KLC1: variants seen among roughly 807,000 people sequenced by gnomAD.
KLC1 encodes the protein kinesin light chain 1, also known as kinesin 2 60/70kDa.
KLC1 carries 30 observed loss-of-function variants against 84.2 expected under a neutral mutation model. The observed-to-expected ratio is 0.36, with a 90% CI of 0.27 to 0.48. KLC1 has a LOEUF of 0.48. KLC1 is among the 20% of genes least tolerant of loss of function. The pLI is 0.99. For missense variants in KLC1, 499 were observed against 805.4 expected (o/e 0.62, Z 4.60); for synonymous variants, 289 against 293.3 (o/e 0.99, Z 0.15).
At chr14:103,689,829 G>A (rs1337269593) in intron 14 of KLC1, among the ~76,000 whole-genome samples, 2 of 152,204 alleles carry the variant, frequency 1.3e-5, no homozygotes, top group African/African-American at 2.4e-5. Flanking sequence ...GAGGATTCGA[G>A]TTGTTCTTTC....
Position 103,693,181 on chromosome 14 carries a change from A to C in KLC1, c.1848+756A>C, listed in dbSNP as rs923266878. On this transcript the variant is annotated intron_variant, in intron 15 of 16. Coordinates refer to ENST00000334553, the MANE Select transcript of KLC1 (RefSeq NM_001394837.1). This position sits in a 1 kb window ranked among gnomAD's most constrained non-coding sequence, Gnocchi z 5.1. Reference sequence around the variant, plus strand: ...GCCCTCCCAGTTGTCCAGATCCACTAATCCTCACAGACAGGCCAGTGCCCC... The same window carrying C: ...GCCCTCCCAGTTGTCCAGATCCACTCATCCTCACAGACAGGCCAGTGCCCC... 2.0e-5 allele frequency among the ~76,000 whole-genome samples: 3 copies of C among 151,828 alleles called. No homozygotes were observed. The highest frequency in any genetic ancestry group is 2.9e-5 in the Non-Finnish European group (2 of 67,998).
At chr14:103,649,839 G>T (rs895355420) in intron 1 of KLC1, among the ~76,000 whole-genome samples, 2 of 152,036 alleles carry the variant, frequency 1.3e-5, no homozygotes, top group Admixed American at 6.6e-5. Flanking sequence ...GGGACTACAG[G>T]CGCCCACCAT....
At chr14:103,684,408 C>T (rs1388468721) in intron 13 of KLC1, among the ~76,000 whole-genome samples, 1 of 152,242 alleles carries the variant, frequency 6.6e-6, no homozygotes. Flanking sequence ...AGTGAATCCT[C>T]CCAGGCCCTG....
rs1289068073 is a variant in KLC1 at position 103,694,400 on chromosome 14, C to T, written c.1848+1975C>T. The T allele has an allele frequency of 2.1e-5, 20 of 970,756 alleles. No individual in the cohort carries two copies. The highest frequency in any genetic ancestry group is 4.8e-5 in the South Asian group (1 of 21,004). The allele number at this position is 970,756 out of a possible 1,614,324, so 60.1% of individuals were successfully genotyped here. A position where few individuals can be genotyped will look rare whatever the true frequency, so the allele number is the denominator to read the frequency against. On this transcript the variant is annotated intron_variant, in intron 15 of 16. Coordinates refer to ENST00000334553, the MANE Select transcript of KLC1 (RefSeq NM_001394837.1). The surrounding 1 kb of genome is among the most constrained non-coding windows in gnomAD (Gnocchi z 4.5). ...CCGAGTAGCTGGGACTACAGGCACCCGCCAGGCGGATCACAAGGTCAGGAG... is the reference window on the plus strand; with the variant it reads ...CCGAGTAGCTGGGACTACAGGCACCTGCCAGGCGGATCACAAGGTCAGGAG...
chr14:103,646,970 A>G (rs1014597329), intron 1 of KLC1, among the ~76,000 whole-genome samples: 4 of 152,156 alleles, frequency 2.6e-5, no homozygotes, highest in Admixed American at 2.0e-4. Context: ...AGGTAAAGCA[A>G]CTGAATATAC....
chr14:103,636,920 T>C lies in KLC1; in HGVS notation c.-2+7426T>C, dbSNP rs542736974. On this transcript the variant is annotated intron_variant, in intron 1 of 16. Transcript: ENST00000334553. ...TTTTTTGTTGTATTTTTATTAGATA[T>C]GGGTTTCACCATGTTAGCCAGGATG... Among the ~76,000 whole-genome samples the C allele has an allele frequency of 1.4e-4, 21 of 150,998 alleles. No homozygotes were observed. The South Asian group carries it at 3.8e-3, about 27-fold the overall frequency.
At chr14:103,699,064 C>A in intron 15 of KLC1, 1 of 1,563,014 alleles carries the variant, frequency 6.4e-7, no homozygotes, top group East Asian at 2.4e-5. Context: ...TTGGTGGCCC[C>A]GCCCACTTCG....
chr14:103,654,155 C>T (rs1264250651), intron 1 of KLC1, among the ~76,000 whole-genome samples: 1 of 152,176 alleles, frequency 6.6e-6, no homozygotes, highest in African/African-American at 2.4e-5. Context: ...CTGTGTGACT[C>T]CTTTTCAAGC....
chr14:103,659,205 TC>T (rs1056855918), intron 3 of KLC1, among the ~76,000 whole-genome samples: 1 of 151,628 alleles, frequency 6.6e-6, no homozygotes, highest in Non-Finnish European at 1.5e-5. Context: ...CCTCAGGTCA[TC>T]CCCCCGCCTC....
intron 13 of KLC1, among the ~76,000 whole-genome samples, chr14:103,680,522 C>G (rs2081265070): frequency 6.6e-6 from 1 of 152,132 alleles, no homozygotes; most frequent in Admixed American, 6.5e-5. Context: ...AGCTAGCATT[C>G]TAAATAAATA....
intron 1 of KLC1, among the ~76,000 whole-genome samples, chr14:103,645,844 G>A (rs1330865564): frequency 6.6e-6 from 1 of 150,608 alleles, no homozygotes; most frequent in Non-Finnish European, 1.5e-5. Flanking sequence ...TGCAAGTTCC[G>A]CCTTCTGGGT....
intron 16 of KLC1, 30 bp downstream of exon 16, chr14:103,700,757 G>A (rs780458333): frequency 3.3e-6 from 5 of 1,532,134 alleles, no homozygotes; most frequent in Non-Finnish European, 3.5e-6. Context: ...GCCCCAGGAA[G>A]CAGGCAGCTG....
At chr14:103,640,222 G>C (rs915701062) in intron 1 of KLC1, among the ~76,000 whole-genome samples, 4 of 151,966 alleles carry the variant, frequency 2.6e-5, no homozygotes, top group African/African-American at 7.3e-5. Flanking sequence ...CACTATGCCT[G>C]GCTAATTTTG....
At chr14:103,699,165 C>T (rs1028019465) in intron 15 of KLC1, 43 of 1,568,304 alleles carry the variant, frequency 2.7e-5, no homozygotes, top group Non-Finnish European at 3.4e-5. Flanking sequence ...CCTGCTCCTC[C>T]ATGGCCTCTG....
At chr14:103,654,352 GAATT>G (rs2078689628) in intron 1 of KLC1, among the ~76,000 whole-genome samples, 2 of 152,100 alleles carry the variant, frequency 1.3e-5, no homozygotes, top group Non-Finnish European at 2.9e-5. Context: ...TCATAAAAAA[GAATT>G]AAGACATAAA....
rs183406956 is a variant in KLC1 at position 103,678,384 on chromosome 14, C to T, written c.1488+861C>T. On this transcript the variant is annotated intron_variant, in intron 12 of 16. Coordinates refer to ENST00000334553, the MANE Select transcript of KLC1 (RefSeq NM_001394837.1). ...AAAGCTCTTGTGCATCTAAGGACAT[C>T]ATCAAGAAAGTGAAAGGGGACTGGG... 2.1e-3 allele frequency among the ~76,000 whole-genome samples: 319 copies of T among 152,338 alleles called. 1 individual carries two copies. Among genetic ancestry groups the T allele is most frequent in the Non-Finnish European group, 3.5e-3 (241 of 68,034 alleles).
chr14:103,694,617 G>A lies in KLC1; in HGVS notation c.1848+2192G>A. ...CGCCGAGGTGATCAGTGATTCCAAA[G>A]GCTGACGCTCAGCAGCGCCACCTCC... On this transcript the variant is annotated intron_variant, in intron 15 of 16. Coordinates refer to ENST00000334553, the MANE Select transcript of KLC1 (RefSeq NM_001394837.1). This position sits in a 1 kb window ranked among gnomAD's most constrained non-coding sequence, Gnocchi z 4.5. 1 of 985,468 alleles carries A rather than the reference G, an allele frequency of 1.0e-6. No individual in the cohort carries two copies. Among genetic ancestry groups the A allele is most frequent in the Non-Finnish European group, 1.2e-6 (1 of 829,938 alleles). 61.0% of individuals were successfully genotyped at this position (985,468 alleles called of 1,614,324 possible).
chr14:103,660,421 C>T (rs1160531398), intron 3 of KLC1, among the ~76,000 whole-genome samples: 2 of 149,386 alleles, frequency 1.3e-5, no homozygotes, highest in Non-Finnish European at 3.0e-5. Flanking sequence ...ATGGAGGTTG[C>T]AGTGAGCCAA....
At chr14:103,647,975 G>A (rs570617357) in intron 1 of KLC1, among the ~76,000 whole-genome samples, 1 of 151,414 alleles carries the variant, frequency 6.6e-6, no homozygotes, top group East Asian at 2.0e-4. Context: ...CTTTTGAGAC[G>A]GAGTCTCGCT....
Sources: allele counts gnomAD v4.1 joint callset (sites outside exome capture counted in the v4.1 genomes callset), GRCh38; gene constraint gnomAD v4.1.1; non-coding constraint Gnocchi (gnomAD v3.1); transcripts MANE v1.5; gene names NCBI Gene and HGNC (gene_info 2026-07-23, HGNC 2026-07-21).